The following ANKS1B variants were observed in gnomAD, a reference collection of about 807,000 sequenced individuals.
The protein encoded by ANKS1B is ankyrin repeat and sterile alpha motif domain-containing protein 1B.
ANKS1B carries 36 observed loss-of-function variants against 148.3 expected under a neutral mutation model. The observed-to-expected ratio is 0.24, with a 90% CI of 0.19 to 0.32. The LOEUF is 0.32. Ranked by LOEUF, ANKS1B falls within the 10% of genes least tolerant of loss-of-function variation. ANKS1B has a pLI of 1.00. For synonymous variants in ANKS1B, 542 were observed against 560.8 expected, an observed-to-expected ratio of 0.97 and a Z score of 0.47; for missense variants, 1,157 against 1,542.6, an observed-to-expected ratio of 0.75 and a Z score of 4.19.
chr12:98,909,157 G>C (rs1315997617), intron 17 of ANKS1B, among the ~76,000 whole-genome samples: 1 of 152,108 alleles, frequency 6.6e-6, no homozygotes, highest in African/African-American at 2.4e-5. Context: ...ACGCATTTCT[G>C]GAGGGTATAA....
intron 12 of ANKS1B, among the ~76,000 whole-genome samples, chr12:99,253,793 T>C (rs2074939983): frequency 1.3e-5 from 2 of 152,270 alleles, no homozygotes; most frequent in South Asian, 2.1e-4. Flanking sequence ...CCTATCTTAA[T>C]CAAATGATCA....
chr12:99,497,971 T>C (rs1032696221), intron 10 of ANKS1B, among the ~76,000 whole-genome samples: 1 of 152,158 alleles, frequency 6.6e-6, no homozygotes, highest in African/African-American at 2.4e-5. Context: ...ACCTAAAGCA[T>C]TGAATGCATT....
chr12:99,529,728 T>G (rs1346503189), intron 9 of ANKS1B, among the ~76,000 whole-genome samples: 2 of 148,008 alleles, frequency 1.4e-5, no homozygotes, highest in East Asian at 1.9e-4. Flanking sequence ...AAATCCACAC[T>G]ATTTTTCTAC....
At chr12:99,850,387 ATTAG>A (rs2087588535) in intron 1 of ANKS1B, among the ~76,000 whole-genome samples, 1 of 147,272 alleles carries the variant, frequency 6.8e-6, no homozygotes, top group Non-Finnish European at 1.5e-5. Context: ...TTATTTAGTT[ATTAG>A]TTATTTATTT....
intron 8 of ANKS1B, among the ~76,000 whole-genome samples, chr12:99,772,538 C>T (rs1287309793): frequency 2.0e-5 from 3 of 152,058 alleles, no homozygotes; most frequent in African/African-American, 7.2e-5. Flanking sequence ...ATACGTGTGG[C>T]TCTGCTCTGT....
intron 15 of ANKS1B, among the ~76,000 whole-genome samples, chr12:99,106,062 C>A (rs891828372): frequency 3.9e-5 from 6 of 152,126 alleles, no homozygotes; most frequent in African/African-American, 1.4e-4. Flanking sequence ...GAGTGAAAAA[C>A]CCTCCCTGAC....
chr12:98,901,119 C>T (rs544905252), intron 17 of ANKS1B, among the ~76,000 whole-genome samples: 10 of 152,238 alleles, frequency 6.6e-5, no homozygotes, highest in Admixed American at 3.3e-4. Flanking sequence ...TATTTTTGCT[C>T]GGCTCTTGTC....
chr12:99,792,400 T>TATTA (rs1456392838), intron 4 of ANKS1B, among the ~76,000 whole-genome samples: 1 of 151,866 alleles, frequency 6.6e-6, no homozygotes, highest in Non-Finnish European at 1.5e-5. Context: ...ACAAGGCCAG[T>TATTA]ATTAATCTGA....
At chr12:99,194,356 G>A (rs1302259501) in intron 14 of ANKS1B, among the ~76,000 whole-genome samples, 1 of 151,738 alleles carries the variant, frequency 6.6e-6, no homozygotes, top group Non-Finnish European at 1.5e-5. Context: ...GACTTTGAGG[G>A]GTCACAGATG....
At position 98,932,463 on chromosome 12, in the gene ANKS1B, T is replaced by C. The variant is rs540542855; in HGVS notation, c.2779-100327A>G. Among the ~76,000 whole-genome samples, 3 of 152,262 alleles carry C rather than the reference T, an allele frequency of 2.0e-5. No homozygotes were observed. The East Asian group carries it at 5.8e-4, about 29-fold the overall frequency. On this transcript the variant is annotated intron_variant, in intron 17 of 26. Transcript: ENST00000683438. ...TTGTGTTTGTGGAAGGGAACAAATCTGAGGAGTGGCAAGCGGCGAAGACCA... is the reference window on the plus strand; with the variant it reads ...TTGTGTTTGTGGAAGGGAACAAATCCGAGGAGTGGCAAGCGGCGAAGACCA...
At chr12:98,968,464 A>C (rs2099880473) in intron 17 of ANKS1B, among the ~76,000 whole-genome samples, 1 of 142,716 alleles carries the variant, frequency 7.0e-6, no homozygotes, top group Admixed American at 6.7e-5. Context: ...CAGACCAAAA[A>C]AACAAACAAA....
chr12:98,908,549 G>A (rs2099782548), intron 17 of ANKS1B, among the ~76,000 whole-genome samples: 1 of 152,164 alleles, frequency 6.6e-6, no homozygotes, highest in African/African-American at 2.4e-5. Context: ...GATATTGTGA[G>A]AATTAAATAA....
At chr12:98,934,042 C>T (rs1431479311) in intron 17 of ANKS1B, among the ~76,000 whole-genome samples, 1 of 151,988 alleles carries the variant, frequency 6.6e-6, no homozygotes, top group Non-Finnish European at 1.5e-5. Flanking sequence ...TTTTTGTTCC[C>T]TGTGCCTTTT....
In ANKS1B at chr12:99,006,026, T is replaced by C. The variant is rs552552338; in HGVS notation, c.2778+47131A>G. Among the ~76,000 whole-genome samples the C allele has an allele frequency of 2.6e-3, 401 of 152,278 alleles. 1 individual carries two copies. The highest frequency in any genetic ancestry group is 4.4e-3 in the Non-Finnish European group (296 of 68,028). Reference sequence around the variant, plus strand: ...TCTAACCCCTTCAAGCAAAGCACCTTGGTTGAGGTTTATAGACTAGGATCT... The same window carrying C: ...TCTAACCCCTTCAAGCAAAGCACCTCGGTTGAGGTTTATAGACTAGGATCT... On this transcript the variant is annotated intron_variant, in intron 17 of 26. Coordinates refer to ENST00000683438, the MANE Select transcript of ANKS1B (RefSeq NM_001352186.2).
intron 1 of ANKS1B, among the ~76,000 whole-genome samples, chr12:99,950,495 G>A (rs958521693): frequency 6.6e-6 from 1 of 151,760 alleles, no homozygotes; most frequent in East Asian, 1.9e-4. Flanking sequence ...ACATTATTGT[G>A]ACTACATAAA....
At chr12:99,924,193 G>T (rs2094432482) in intron 1 of ANKS1B, among the ~76,000 whole-genome samples, 1 of 152,044 alleles carries the variant, frequency 6.6e-6, no homozygotes, top group Non-Finnish European at 1.5e-5. Context: ...GATGGATGGT[G>T]GTGGGCCTTT....
At chr12:99,000,904 T>G (rs1451174957) in intron 17 of ANKS1B, among the ~76,000 whole-genome samples, 1 of 152,208 alleles carries the variant, frequency 6.6e-6, no homozygotes, top group African/African-American at 2.4e-5. Flanking sequence ...TCATCAAGTT[T>G]CATTCCTATT....
chr12:99,218,525 T>C (rs75148006), intron 14 of ANKS1B, among the ~76,000 whole-genome samples: 147 of 152,324 alleles, frequency 9.7e-4, no homozygotes, highest in African/African-American at 3.3e-3. Flanking sequence ...CTCTTTTATA[T>C]CACCTCCTGA....
At chr12:99,516,081 T>C (rs74756542) in intron 9 of ANKS1B, among the ~76,000 whole-genome samples, 3,871 of 152,208 alleles carry the variant, frequency 0.025, 79 homozygotes, top group South Asian at 0.088. Context: ...ATTATTAGTT[T>C]GCATTTTCTC....
Sources: allele counts gnomAD v4.1 joint callset (sites outside exome capture counted in the v4.1 genomes callset), GRCh38; gene constraint gnomAD v4.1.1; transcripts MANE v1.5; gene names NCBI Gene and HGNC (gene_info 2026-07-23, HGNC 2026-07-21).